Variants in MTF2 observed in about 807,000 individuals in gnomAD.
The protein encoded by MTF2 is metal response element binding transcription factor 2.
MTF2 carries 11 observed loss-of-function variants against 79.5 expected under a neutral mutation model. That is an observed-to-expected ratio of 0.14 (90% confidence interval 0.09 to 0.23). The LOEUF (loss-of-function observed/expected upper bound fraction) is 0.23. MTF2 is among the 10% of genes least tolerant of loss of function. The pLI, the probability that MTF2 is intolerant of heterozygous loss-of-function variation, is 1.00. For synonymous variants in MTF2, 208 were observed against 232.8 expected (o/e 0.89, Z 0.97); for missense variants, 486 against 711.2 (o/e 0.68, Z 3.60).
At chr1:93,096,727 A>T (rs1280263816) in intron 1 of MTF2, among the ~76,000 whole-genome samples, 1 of 150,356 alleles carries the variant, frequency 6.7e-6, no homozygotes, top group Non-Finnish European at 1.5e-5. Flanking sequence ...TTGTTGTTCA[A>T]CTTCAAATAC....
chr1:93,121,113 ATAT>A (rs1656458953), intron 9 of MTF2: 1 of 982,006 alleles, frequency 1.0e-6, no homozygotes, highest in Admixed American at 6.1e-5. Flanking sequence ...GGATCTAATA[ATAT>A]TGTTAGAAAA....
intron 13 of MTF2, 45 bp downstream of exon 13, chr1:93,134,025 A>C (rs892653924): frequency 1.0e-5 from 16 of 1,549,664 alleles, no homozygotes; most frequent in Admixed American, 9.0e-5. Context: ...TTGTCTTTTG[A>C]GTAGATATTA....
chr1:93,135,901 G>T (rs1274594518), intron 14 of MTF2, among the ~76,000 whole-genome samples: 4 of 152,210 alleles, frequency 2.6e-5, no homozygotes, highest in Non-Finnish European at 5.9e-5. Flanking sequence ...GGGATTTTAA[G>T]TAACAAGCCC....
intron 1 of MTF2, among the ~76,000 whole-genome samples, chr1:93,083,698 TG>T (rs1389183696): frequency 6.6e-6 from 1 of 152,176 alleles, no homozygotes; most frequent in Non-Finnish European, 1.5e-5. Context: ...ATCTGGTGAG[TG>T]ATTATCTCAC....
chr1:93,093,565 C>T (rs1057298608), intron 1 of MTF2, among the ~76,000 whole-genome samples: 3 of 152,134 alleles, frequency 2.0e-5, no homozygotes, highest in East Asian at 1.9e-4. Context: ...CCTTGCATTC[C>T]GTGCCTGCCT....
intron 1 of MTF2, among the ~76,000 whole-genome samples, chr1:93,109,998 T>C (rs1259343806): frequency 6.6e-6 from 1 of 152,222 alleles, no homozygotes; most frequent in Non-Finnish European, 1.5e-5. Flanking sequence ...CTTGGAGTGT[T>C]TGCTGAGTCT....
At chr1:93,131,674 C>G (rs573912148) in intron 11 of MTF2, among the ~76,000 whole-genome samples, 63 of 152,184 alleles carry the variant, frequency 4.1e-4, no homozygotes, top group African/African-American at 1.4e-3. Context: ...GGGGATAGGA[C>G]TAGTCAAATG....
chr1:93,124,315 T>A (rs1377237973), intron 9 of MTF2, among the ~76,000 whole-genome samples: 1 of 152,116 alleles, frequency 6.6e-6, no homozygotes, highest in Non-Finnish European at 1.5e-5. Context: ...TTAAGGTTTT[T>A]ATGTAAAATG....
intron 1 of MTF2, among the ~76,000 whole-genome samples, chr1:93,102,127 C>T (rs191895890): frequency 1.3e-5 from 2 of 150,100 alleles, no homozygotes; most frequent in Admixed American, 1.3e-4. Flanking sequence ...GTACTGATTC[C>T]CCAATCAAAA....
At chr1:93,102,486 G>C (rs1655587696) in intron 1 of MTF2, among the ~76,000 whole-genome samples, 1 of 152,118 alleles carries the variant, frequency 6.6e-6, no homozygotes, top group Admixed American at 6.5e-5. Context: ...CAGCTGCTTG[G>C]GAGGCTGAAG....
intron 1 of MTF2, among the ~76,000 whole-genome samples, chr1:93,091,956 A>G (rs1655091745): frequency 6.6e-6 from 1 of 152,208 alleles, no homozygotes; most frequent in Admixed American, 6.5e-5. Flanking sequence ...CCTTTTGTGA[A>G]AAAGCCCCAC....
intron 11 of MTF2, among the ~76,000 whole-genome samples, chr1:93,132,069 G>A (rs1208418539): frequency 6.6e-6 from 1 of 152,056 alleles, no homozygotes; most frequent in African/African-American, 2.4e-5. Flanking sequence ...TGAAGTTCTT[G>A]CCTGGTAGCC....
Position 93,115,002 on chromosome 1 carries a change from T to A in MTF2, c.397T>A (p.Cys133Ser). 1 of 1,603,828 alleles carries A rather than the reference T, an allele frequency of 6.2e-7. No homozygotes were observed. Among genetic ancestry groups the A allele is most frequent in the Non-Finnish European group, 8.5e-7 (1 of 1,172,498 alleles). Residue 133 changes from cysteine to serine, a missense_variant, in exon 5 of 15, where the codon TGT becomes AGT. Around this residue, in one of 4 missense-constraint regions of MTF2, gnomAD observed 177 missense variants for 364.0 expected, o/e 0.49. Transcript: ENST00000370298. ...DKCGQGYHQL[C>S]HTPHIDSSVI... is the part of the protein sequence containing the mutation. Reference sequence around the variant, plus strand: ...TTGATATTAAGGATATCATCAGTTGTGTCACACACCTCATATTGATTCCAG... The same window carrying A: ...TTGATATTAAGGATATCATCAGTTGAGTCACACACCTCATATTGATTCCAG...
intron 1 of MTF2, among the ~76,000 whole-genome samples, chr1:93,100,774 CAA>C (rs1023503145): frequency 2.2e-4 from 34 of 152,312 alleles, no homozygotes; most frequent in African/African-American, 5.8e-4. Flanking sequence ...ATACCTGTCT[CAA>C]GAGATAAAAG....
At chr1:93,120,319 AAAG>A (rs1409345174) in intron 8 of MTF2, 76 of 261,876 alleles carry the variant, frequency 2.9e-4, no homozygotes, top group South Asian at 1.2e-3. Context: ...AAAAAAAAAA[AAAG>A]AAGTAATTCA....
rs748050378 is a variant in MTF2, at chr1:93,114,970, GC to G, written c.383-17del. 2.6e-6 allele frequency: 4 copies of G among 1,542,126 alleles called. No individual in the cohort carries two copies. Among genetic ancestry groups the G allele is most frequent in the Non-Finnish European group, 2.7e-6 (3 of 1,125,398 alleles). On this transcript the variant is annotated splice_polypyrimidine_tract_variant and intron_variant, in intron 4 of 14. Coordinates refer to ENST00000370298, the MANE Select transcript of MTF2 (RefSeq NM_007358.4). ...ATTAATGAAACCGAATTTGCTTTAT[GC>G]TTTTTTTGATATTAAGGATATCATC...
At chr1:93,118,257 G>A (rs954687663) in intron 6 of MTF2, 88 bp from the exon 7 acceptor site, 2 of 699,666 alleles carry the variant, frequency 2.9e-6, no homozygotes, top group African/African-American at 2.3e-5. Flanking sequence ...TGTGGATTAG[G>A]CCACTTTTTT....
chr1:93,088,658 T>C (rs908144591), intron 1 of MTF2, among the ~76,000 whole-genome samples: 3 of 152,138 alleles, frequency 2.0e-5, no homozygotes, highest in African/African-American at 7.2e-5. Flanking sequence ...CTCTGCCTCC[T>C]GGGTTCAAGC....
intron 9 of MTF2, chr1:93,121,217 C>G (rs1656462428): frequency 4.1e-6 from 4 of 968,686 alleles, no homozygotes; most frequent in Non-Finnish European, 4.9e-6. Context: ...GTGTAACTAC[C>G]TATGCTGGTT....
Sources: allele counts gnomAD v4.1 joint callset (sites outside exome capture counted in the v4.1 genomes callset), GRCh38; gene constraint gnomAD v4.1.1; regional missense constraint gnomAD v4.1.1; transcripts MANE v1.5; gene names NCBI Gene and HGNC (gene_info 2026-07-23, HGNC 2026-07-21).